Variants in ABCA6 observed in about 807,000 individuals in gnomAD.
ABCA6 encodes ATP-binding cassette sub-family A member 6.
A neutral mutation model predicts 191.2 loss-of-function variants in ABCA6; 164 were observed. The ratio of observed to expected loss-of-function variants is 0.86; its 90% CI spans 0.76 to 0.98. The LOEUF is 0.98. ABCA6 is among the 50% of genes least tolerant of loss of function. The probability of loss-of-function intolerance (pLI) is 0.00; values close to 1 mark genes in which losing one functional copy is unlikely to be tolerated. For synonymous variants in ABCA6, 636 were observed against 647.7 expected (o/e 0.98, Z 0.27); for missense variants, 1,958 against 1,894.1 (o/e 1.03, Z -0.63).
intron 6 of ABCA6, among the ~76,000 whole-genome samples, chr17:69,130,632 G>C (rs2144710148): frequency 6.6e-6 from 1 of 152,070 alleles, no homozygotes; most frequent in Middle Eastern, 3.4e-3. Flanking sequence ...TCTCGTACTT[G>C]TCTTTTTTGA....
intron 10 of ABCA6, 52 bp from the exon 11 acceptor site, chr17:69,118,008 A>G: frequency 7.5e-7 from 1 of 1,341,896 alleles, no homozygotes; most frequent in Non-Finnish European, 1.1e-6. Context: ...TGAAAATAGC[A>G]CGGGCCATTT....
chr17:69,129,337 A>C (rs547100191), intron 7 of ABCA6, among the ~76,000 whole-genome samples: 1 of 152,290 alleles, frequency 6.6e-6, no homozygotes, highest in Admixed American at 6.5e-5. Context: ...TATACAGAAA[A>C]GACTTTGATA....
Position 69,089,493 on chromosome 17 carries a change from C to T in ABCA6, c.3578G>A (p.Ser1193Asn). Residue 1193 changes from serine (S) to asparagine (N), a missense_variant, in exon 27 of 39, where the codon AGT (serine) becomes AAT (asparagine). Ser to Asn is a conservative substitution (Grantham distance 46). Coordinates refer to ENST00000284425, the MANE Select transcript of ABCA6 (RefSeq NM_080284.3). ...GAAGCAGACTAGAAAATCAGTGGCA[C>T]TCAATTCAAAATTTGCCTCTGGAAA... Reference protein sequence around the residue: ...REFPEANFELSATDFLVCFIP... With the variant: ...REFPEANFELNATDFLVCFIP... 1 of 1,613,754 alleles carries T rather than the reference C, an allele frequency of 6.2e-7. No individual in the cohort carries two copies. Among genetic ancestry groups the T allele is most frequent in the Non-Finnish European group, 8.5e-7 (1 of 1,179,920 alleles).
chr17:69,090,486 G>A (rs77024540), intron 26 of ABCA6, among the ~76,000 whole-genome samples: 6,881 of 152,106 alleles, frequency 0.045, 512 homozygotes, highest in African/African-American at 0.16. Flanking sequence ...TAAATATAAC[G>A]TCCCCAGAAG....
intron 25 of ABCA6, among the ~76,000 whole-genome samples, chr17:69,092,428 A>G (rs2072946829): frequency 6.6e-6 from 1 of 152,146 alleles, no homozygotes; most frequent in Non-Finnish European, 1.5e-5. Context: ...CTCTTATTCT[A>G]CCAGACCTCC....
chr17:69,109,915 T>C (rs537064191), intron 17 of ABCA6: 1 of 152,110 alleles, frequency 6.6e-6, no homozygotes, highest in East Asian at 1.9e-4. Flanking sequence ...AGGTGAAAGT[T>C]CTCAACAAGG....
At chr17:69,126,882 A>G (rs2073763988) in intron 8 of ABCA6, among the ~76,000 whole-genome samples, 1 of 152,112 alleles carries the variant, frequency 6.6e-6, no homozygotes, top group Non-Finnish European at 1.5e-5. Context: ...AATAGACAAG[A>G]CTCTATTGAA....
intron 26 of ABCA6, among the ~76,000 whole-genome samples, chr17:69,090,671 TC>T (rs947388471): frequency 3.3e-5 from 5 of 152,164 alleles, no homozygotes; most frequent in African/African-American, 1.2e-4. Context: ...TCATCAGGTG[TC>T]CCCAGTTACT....
intron 4 of ABCA6, chr17:69,135,346 G>C (rs1466588393): frequency 6.6e-6 from 1 of 152,464 alleles, no homozygotes; most frequent in Non-Finnish European, 1.5e-5. Flanking sequence ...CTTGTTTCTT[G>C]ACATTCTCCA....
At chr17:69,096,830 A>G (rs2073057132) in intron 23 of ABCA6, 29 bp from the exon 24 acceptor site, 1 of 1,479,500 alleles carries the variant, frequency 6.8e-7, no homozygotes, top group Non-Finnish European at 9.0e-7. Flanking sequence ...AAAGAAAGAA[A>G]TGTATATAGA....
chr17:69,105,678 TTTAG>T lies in ABCA6; in HGVS notation c.2574-54_2574-51del, dbSNP rs752650585. 35 of 1,302,044 alleles carry T rather than the reference TTTAG, an allele frequency of 2.7e-5. No individual in the cohort carries two copies. In the Middle Eastern group the frequency reaches 8.3e-4, roughly 31 times the overall value. The allele number at this position is 1,302,044 out of a possible 1,614,324, so 80.7% of individuals were successfully genotyped here. A position where few individuals can be genotyped will look rare whatever the true frequency, so the allele number is the denominator to read the frequency against. ...TATTAATCTCCAGGAATTTTATTTA[TTTAG>T]TAAGACATTCCACAAGTATTTGTTG... is the stretch of plus-strand genomic sequence containing the variant. On this transcript the variant is annotated intron_variant, in intron 19 of 38. Coordinates refer to ENST00000284425, the MANE Select transcript of ABCA6 (RefSeq NM_080284.3).
In ABCA6 at chr17:69,137,648, C is replaced by G. The variant is rs1456594621; in HGVS notation, c.97-148G>C. 8 of 699,998 alleles carry G rather than the reference C, an allele frequency of 1.1e-5. No homozygotes were observed. The African/African-American group carries it at 1.4e-4, about 13-fold the overall frequency. 43.4% of individuals were successfully genotyped at this position (699,998 alleles called of 1,614,324 possible). A position where few individuals can be genotyped will look rare whatever the true frequency, so the allele number is the denominator to read the frequency against. On this transcript the variant is annotated intron_variant, in intron 2 of 38. Coordinates refer to ENST00000284425, the MANE Select transcript of ABCA6 (RefSeq NM_080284.3). The stretch of plus-strand genomic sequence containing the variant: ...CTCCAAGCCTCAGAGCATGGAGAAT[C>G]AAATGAAAGATAAATACTGAGACAG...
chr17:69,089,824 CATATGTTATTACTGAAACAGTA>C (rs1258761414), intron 26 of ABCA6, among the ~76,000 whole-genome samples: 2 of 152,202 alleles, frequency 1.3e-5, no homozygotes, highest in African/African-American at 4.8e-5. Context: ...ATTACTGAAG[CATATGTTATTACTGAAACAGTA>C]ATATGCTATT....
intron 21 of ABCA6, among the ~76,000 whole-genome samples, chr17:69,101,324 G>C (rs1002304335): frequency 6.6e-6 from 1 of 152,148 alleles, no homozygotes; most frequent in African/African-American, 2.4e-5. Context: ...ATTGGGCATG[G>C]TGGCTCACAC....
At chr17:69,083,153 C>T in intron 35 of ABCA6, 59 bp downstream of exon 35, 1 of 1,560,836 alleles carries the variant, frequency 6.4e-7, no homozygotes, top group Non-Finnish European at 8.6e-7. Context: ...GGGATTTTTG[C>T]CCTTTCCATG....
At chr17:69,136,843 T>C (rs2073956792) in intron 3 of ABCA6, among the ~76,000 whole-genome samples, 1 of 152,166 alleles carries the variant, frequency 6.6e-6, no homozygotes, top group South Asian at 2.1e-4. Flanking sequence ...GATTGTACTA[T>C]ATTCAGAACA....
At chr17:69,079,374 C>G in intron 37 of ABCA6, 109 bp from the exon 38 acceptor site, 1 of 748,026 alleles carries the variant, frequency 1.3e-6, no homozygotes, top group Admixed American at 3.2e-5. Context: ...ATAAATAAAG[C>G]TGAATAAGCC....
At position 69,085,060 on chromosome 17, in the gene ABCA6, G is replaced by A; in HGVS notation, c.4152C>T (p.Leu1384=). Residue 1384 remains leucine, a synonymous_variant, in exon 32 of 39, where the codon CTC becomes CTT. Transcript: ENST00000284425. ...TGGCGAGCCTCGCGTCCGCTTTCCT[G>A]AGCCCCTTGACGGCAGCATACACCT... The part of the protein sequence containing the change: ...HLEVYAAVKG[L]RKADARLAIA... 6.2e-7 allele frequency: 1 copy of A among 1,612,332 alleles called. No homozygotes were observed. The highest frequency in any genetic ancestry group is 8.5e-7 in the Non-Finnish European group (1 of 1,179,600).
At chr17:69,087,709 G>A (rs2072834378) in intron 28 of ABCA6, 3 of 535,194 alleles carry the variant, frequency 5.6e-6, no homozygotes, top group East Asian at 3.4e-5. Context: ...TTTCAAATCT[G>A]TCAGCAGGTA....
Sources: gnomAD v4.1 joint callset for allele counts (sites outside exome capture counted in the v4.1 genomes callset) on GRCh38, gnomAD v4.1.1 for gene constraint, MANE v1.5 for transcripts, NCBI Gene and HGNC (gene_info 2026-07-23, HGNC 2026-07-21) for gene names.